CRYZ: variants seen among roughly 807,000 people sequenced by gnomAD.
CRYZ encodes the protein crystallin zeta.
CRYZ carries 35 observed loss-of-function variants against 34.1 expected under a neutral mutation model. The observed-to-expected ratio is 1.03, with a 90% CI of 0.78 to 1.36. The LOEUF (loss-of-function observed/expected upper bound fraction) is 1.36. Among genes scored for constraint, CRYZ ranks in the 40% most tolerant of loss-of-function variants. CRYZ has a pLI of 0.00. For missense variants in CRYZ, 403 were observed against 391.8 expected (o/e 1.03, Z -0.24); for synonymous variants, 137 against 136.5 (o/e 1.00, Z -0.03).
chr1:74,728,813 G>A lies in CRYZ; in HGVS notation c.-13-3979C>T, dbSNP rs1451829779. On this transcript the variant is annotated intron_variant, in intron 1 of 8. Transcript: ENST00000340866. ...CAAAGGAGAAAGTGACATTTCCAAA[G>A]GTTGTTTAGCAATGACATATCCTCA... 3.3e-5 allele frequency among the ~76,000 whole-genome samples: 5 copies of A among 152,226 alleles called. No homozygotes were observed. The East Asian group carries it at 9.6e-4, about 29-fold the overall frequency.
intron 5 of CRYZ, among the ~76,000 whole-genome samples, chr1:74,713,931 G>A (rs1317932828): frequency 1.3e-5 from 2 of 152,116 alleles, no homozygotes; most frequent in East Asian, 1.9e-4. Context: ...AGGCAGATTG[G>A]CAGCTAGTTT....
chr1:74,723,312 C>T (rs751972307), intron 2 of CRYZ, 42 bp from the exon 3 acceptor site: 3 of 1,589,812 alleles, frequency 1.9e-6, no homozygotes, highest in East Asian at 2.2e-5. Flanking sequence ...AGAATTTAGG[C>T]ATTCATTTAA....
rs1482622221 is a variant in CRYZ at position 74,710,111 on chromosome 1, A to G, written c.617T>C (p.Ile206Thr). 6 of 1,612,956 alleles carry G rather than the reference A, an allele frequency of 3.7e-6. No individual in the cohort carries two copies. Among genetic ancestry groups the G allele is most frequent in the East Asian group, 2.2e-5 (1 of 44,840 alleles). Residue 206 changes from isoleucine (I) to threonine (T), a missense_variant, in exon 6 of 9, where the codon ATT (isoleucine) becomes ACT (threonine). Ile to Thr is a moderately conservative substitution (Grantham distance 89). Transcript: ENST00000340866. ...EVFNHREVNY[I>T]DKIKKYVGEK... is the part of the protein sequence containing the mutation. The stretch of plus-strand genomic sequence containing the variant: ...GGAAAATTTTACCTTAATTTTATCA[A>G]TGTAATTCACTTCTCTGTGATTGAA...
At chr1:74,719,499 A>AG (rs1647126152) in intron 3 of CRYZ, 127 bp from the exon 4 acceptor site, 1 of 864,554 alleles carries the variant, frequency 1.2e-6, no homozygotes, top group East Asian at 2.8e-5. Flanking sequence ...TCATATAAAT[A>AG]ATTTTTTTTT....
At chr1:74,707,070 G>T in intron 7 of CRYZ, 33 bp downstream of exon 7, 2 of 1,406,974 alleles carry the variant, frequency 1.4e-6, no homozygotes, top group East Asian at 2.5e-5. Context: ...ACATTAAAGT[G>T]GTAAAAAAAA....
chr1:74,705,536 G>T lies in CRYZ; in HGVS notation c.*760C>A, dbSNP rs1351310430. 6.6e-6 allele frequency: 1 copy of T among 151,994 alleles called. No homozygotes were observed. The highest frequency in any genetic ancestry group is 1.5e-5 in the Non-Finnish European group (1 of 67,964). The allele number at this position is 151,994 out of a possible 1,614,324, so 9.4% of individuals were successfully genotyped here. On this transcript the variant is annotated 3_prime_UTR_variant, in exon 9 of 9. Coordinates refer to ENST00000340866, the MANE Select transcript of CRYZ (RefSeq NM_001889.4). ...CACATTATTATGTTACGAGACAAAT[G>T]CAGATAATTCTTAATTTATCAAATT...
intron 1 of CRYZ, among the ~76,000 whole-genome samples, chr1:74,726,504 G>A (rs148141546): frequency 0.012 from 1,836 of 152,248 alleles, 20 homozygotes; most frequent in Middle Eastern, 0.058. Context: ...CCCTGGGCCC[G>A]GCCCAGGAAA....
At chr1:74,728,432 T>A (rs111827326) in intron 1 of CRYZ, among the ~76,000 whole-genome samples, 1 of 152,246 alleles carries the variant, frequency 6.6e-6, no homozygotes, top group Middle Eastern at 3.2e-3. Context: ...TATATCCCCA[T>A]AATTTTATCT....
intron 5 of CRYZ, among the ~76,000 whole-genome samples, chr1:74,711,954 G>A (rs1471778914): frequency 6.6e-4 from 100 of 152,228 alleles, no homozygotes; most frequent in Non-Finnish European, 5.9e-5. Flanking sequence ...GCTCATGCCT[G>A]TAATCCCAGC....
intron 4 of CRYZ, among the ~76,000 whole-genome samples, chr1:74,714,978 T>C (rs931108243): frequency 6.6e-6 from 1 of 152,174 alleles, no homozygotes; most frequent in African/African-American, 2.4e-5. Flanking sequence ...CATTCCCATA[T>C]ATCCCCCACA....
chr1:74,720,986 C>A (rs1647153909), intron 3 of CRYZ, among the ~76,000 whole-genome samples: 1 of 152,036 alleles, frequency 6.6e-6, no homozygotes, highest in South Asian at 2.1e-4. Context: ...GAAATTAGGA[C>A]TAGCTTTATC....
Position 74,710,565 on chromosome 1 carries a change from G to C in CRYZ, c.481-318C>G, listed in dbSNP as rs571588310. On this transcript the variant is annotated intron_variant, in intron 5 of 8. Coordinates refer to ENST00000340866, the MANE Select transcript of CRYZ (RefSeq NM_001889.4). Reference sequence around the variant, plus strand: ...AAGTAATTTGGCCAAGTCATATGCGGAGATGGAAACAGGAGTTAGACCAGT... The same window carrying C: ...AAGTAATTTGGCCAAGTCATATGCGCAGATGGAAACAGGAGTTAGACCAGT... 7.9e-4 allele frequency among the ~76,000 whole-genome samples: 121 copies of C among 152,298 alleles called. 1 individual carries two copies. The highest frequency in any genetic ancestry group is 2.8e-3 in the African/African-American group (115 of 41,568).
chr1:74,716,863 A>T (rs1647083550), intron 4 of CRYZ, among the ~76,000 whole-genome samples: 1 of 152,128 alleles, frequency 6.6e-6, no homozygotes, highest in African/African-American at 2.4e-5. Context: ...TGCCACCAGC[A>T]TTCTAGCCCT....
chr1:74,710,293 T>A (rs904826261), intron 5 of CRYZ, 46 bp from the exon 6 acceptor site: 9 of 1,573,982 alleles, frequency 5.7e-6, no homozygotes, highest in Non-Finnish European at 7.8e-6. Flanking sequence ...TCTACACTCC[T>A]GTAAACACTT....
chr1:74,726,209 C>T (rs1647330832), intron 1 of CRYZ, among the ~76,000 whole-genome samples: 1 of 152,232 alleles, frequency 6.6e-6, no homozygotes, highest in African/African-American at 2.4e-5. Context: ...CCACATTTCC[C>T]TTCTGCACTG....
chr1:74,720,886 AG>A (rs1647152366), intron 3 of CRYZ, among the ~76,000 whole-genome samples: 1 of 152,222 alleles, frequency 6.6e-6, no homozygotes, highest in Non-Finnish European at 1.5e-5. Context: ...AGAAAAGCAA[AG>A]GATAGAAATA....
intron 6 of CRYZ, chr1:74,708,633 A>T (rs1646962115): frequency 6.6e-6 from 1 of 152,194 alleles, no homozygotes; most frequent in African/African-American, 2.4e-5. Flanking sequence ...GATAATTAAA[A>T]GACAGGAAAA....
At chr1:74,729,751 A>T (rs1647601233) in intron 1 of CRYZ, among the ~76,000 whole-genome samples, 1 of 152,176 alleles carries the variant, frequency 6.6e-6, no homozygotes, top group African/African-American at 2.4e-5. Context: ...TATTTACAGA[A>T]CTCTGGTTAT....
chr1:74,718,800 T>C (rs1647112231), intron 4 of CRYZ, among the ~76,000 whole-genome samples: 1 of 152,118 alleles, frequency 6.6e-6, no homozygotes, highest in African/African-American at 2.4e-5. Context: ...GCTGCCTAGA[T>C]GATTCTAATG....
Sources: allele counts gnomAD v4.1 joint callset (sites outside exome capture counted in the v4.1 genomes callset), GRCh38; gene constraint gnomAD v4.1.1; transcripts MANE v1.5; gene names NCBI Gene and HGNC (gene_info 2026-07-23, HGNC 2026-07-21).